Variants in ADAMTS6 observed in about 807,000 individuals in gnomAD.
The protein encoded by ADAMTS6 is ADAM metallopeptidase with thrombospondin type 1 motif 6.
Under a neutral mutation model 144.3 loss-of-function variants are expected in ADAMTS6, and 23 were observed. The ratio of observed to expected loss-of-function variants is 0.16; its 90% CI spans 0.11 to 0.23. The LOEUF (loss-of-function observed/expected upper bound fraction) is 0.23. ADAMTS6 is among the 10% of genes least tolerant of loss of function. The pLI is 1.00. For synonymous variants in ADAMTS6, 444 were observed against 457.5 expected, an observed-to-expected ratio of 0.97 and a Z score of 0.38; for missense variants, 999 against 1,379.6, an observed-to-expected ratio of 0.72 and a Z score of 4.37.
At chr5:65,268,848 A>G (rs901601415) in intron 12 of ADAMTS6, among the ~76,000 whole-genome samples, 1 of 152,216 alleles carries the variant, frequency 6.6e-6, no homozygotes, top group Non-Finnish European at 1.5e-5. Context: ...GAGTTTGACG[A>G]GATCATCATG....
In ADAMTS6 at chr5:65,460,351, TAAAC is replaced by T. The variant is rs1561563243; in HGVS notation, c.463-17_463-14del. The T allele has an allele frequency of 6.3e-7, 1 of 1,579,166 alleles. No homozygotes were observed. The highest frequency in any genetic ancestry group is 1.2e-5 in the South Asian group (1 of 84,596). ...CAATAACACCATGCTAAAAGAAAAA[TAAAC>T]AAAGAACTTACCAAAGAGAATCATT... On this transcript the variant is annotated splice_polypyrimidine_tract_variant and intron_variant, in intron 3 of 24. Coordinates refer to ENST00000381055, the MANE Select transcript of ADAMTS6 (RefSeq NM_197941.4).
intron 9 of ADAMTS6, among the ~76,000 whole-genome samples, chr5:65,301,843 C>T (rs900619717): frequency 6.6e-6 from 1 of 151,966 alleles, no homozygotes; most frequent in Non-Finnish European, 1.5e-5. Flanking sequence ...AATCCCAGCG[C>T]TTTGCGAGGC....
At chr5:65,451,741 C>T (rs1758757117) in intron 6 of ADAMTS6, 121 bp from the exon 7 acceptor site, 9 of 1,183,000 alleles carry the variant, frequency 7.6e-6, no homozygotes, top group South Asian at 4.2e-5. Context: ...TAATCTCTTG[C>T]CAATTTTTAT....
chr5:65,374,363 C>A (rs12234016), intron 7 of ADAMTS6, among the ~76,000 whole-genome samples: 5 of 147,108 alleles, frequency 3.4e-5, no homozygotes, highest in Non-Finnish European at 1.5e-5. Context: ...GAAAACCCCA[C>A]TGTCTCAGCC....
intron 8 of ADAMTS6, among the ~76,000 whole-genome samples, chr5:65,331,237 G>C (rs1437551476): frequency 1.3e-5 from 2 of 151,930 alleles, no homozygotes; most frequent in Non-Finnish European, 2.9e-5. Context: ...AATAATTATT[G>C]TTAAATTAAT....
rs1239929051 is a variant in ADAMTS6, at chr5:65,230,803, GAAATATATATATAATACATATGTAT to G, written c.1934-4609_1934-4585del. On this transcript the variant is annotated intron_variant, in intron 15 of 24. Coordinates refer to ENST00000381055, the MANE Select transcript of ADAMTS6 (RefSeq NM_197941.4). ...AAATATATATATAACACATATGTAT[GAAATATATATATAATACATATGTAT>G]AAATATATATATAATACATATATAT... 7.6e-3 allele frequency among the ~76,000 whole-genome samples: 547 copies of G among 72,050 alleles called. 76 individuals carry two copies. Among genetic ancestry groups the G allele is most frequent in the African/African-American group, 0.033 (507 of 15,170 alleles). 47.3% of individuals were successfully genotyped at this position (72,050 alleles called of 152,430 possible).
intron 7 of ADAMTS6, among the ~76,000 whole-genome samples, chr5:65,372,895 A>G (rs1751104973): frequency 4.0e-5 from 6 of 151,276 alleles, no homozygotes; most frequent in Admixed American, 2.6e-4. Context: ...AACAGAAATT[A>G]TAACAAACTA....
At chr5:65,398,988 T>TC (rs1236692320) in intron 7 of ADAMTS6, among the ~76,000 whole-genome samples, 2 of 152,282 alleles carry the variant, frequency 1.3e-5, no homozygotes, top group South Asian at 2.1e-4. Flanking sequence ...CTGGGTGCGG[T>TC]GGCTCATGCC....
rs532688204 is a variant in ADAMTS6, at chr5:65,290,851, A to G, written c.1512+478T>C. ...TTGTTTCACTACTTGAGCTAATGTC[A>G]TCTTGTTCCTGCTTGGTTGTGGTGC... On this transcript the variant is annotated intron_variant, in intron 11 of 24. Transcript: ENST00000381055. Among the ~76,000 whole-genome samples the G allele has an allele frequency of 3.9e-5, 6 of 151,970 alleles. No homozygotes were observed. The South Asian group carries it at 1.2e-3, about 32-fold the overall frequency.
intron 24 of ADAMTS6, among the ~76,000 whole-genome samples, chr5:65,160,397 C>T (rs1752687565): frequency 1.3e-5 from 2 of 151,518 alleles, no homozygotes; most frequent in Non-Finnish European, 2.9e-5. Flanking sequence ...AGCTCCGCCT[C>T]CCGGGTTCAC....
At chr5:65,254,678 ATGT>A (rs1452114510) in intron 14 of ADAMTS6, among the ~76,000 whole-genome samples, 1 of 152,204 alleles carries the variant, frequency 6.6e-6, no homozygotes, top group African/African-American at 2.4e-5. Flanking sequence ...AGCTATGCTG[ATGT>A]TGTTTGACTC....
chr5:65,287,508 A>C (rs1213351337), intron 11 of ADAMTS6, among the ~76,000 whole-genome samples: 1 of 152,076 alleles, frequency 6.6e-6, no homozygotes, highest in Non-Finnish European at 1.5e-5. Context: ...CTCACCTATA[A>C]AATATTATAT....
At position 65,219,339 on chromosome 5, in the gene ADAMTS6, T is replaced by C. The variant is rs145589614; in HGVS notation, c.2273-3852A>G. Among the ~76,000 whole-genome samples the C allele has an allele frequency of 3.3e-3, 505 of 152,228 alleles. 2 individuals are homozygous for C. The highest frequency in any genetic ancestry group is 0.012 in the African/African-American group (486 of 41,538). The stretch of plus-strand genomic sequence containing the variant: ...TTTACTGTCTGACCCTTAACAGCGA[T>C]AGTTGCCGACCCCCAACCCCCCCAC... On this transcript the variant is annotated intron_variant, in intron 18 of 24. Coordinates refer to ENST00000381055, the MANE Select transcript of ADAMTS6 (RefSeq NM_197941.4).
chr5:65,169,952 G>T (rs1370205299), intron 24 of ADAMTS6, among the ~76,000 whole-genome samples: 1 of 150,572 alleles, frequency 6.6e-6, no homozygotes, highest in Non-Finnish European at 1.5e-5. Context: ...TGAGTTAGTG[G>T]GTGCAGCGCA....
intron 7 of ADAMTS6, among the ~76,000 whole-genome samples, chr5:65,428,442 T>C (rs1043415964): frequency 6.6e-6 from 1 of 152,088 alleles, no homozygotes; most frequent in Non-Finnish European, 1.5e-5. Context: ...TTAATAAACA[T>C]TCAAACTCAT....
chr5:65,423,895 A>G, intron 7 of ADAMTS6, among the ~76,000 whole-genome samples: 1 of 152,204 alleles, frequency 6.6e-6, no homozygotes, highest in East Asian at 1.9e-4. Flanking sequence ...ACAACTAAGA[A>G]GCAATACCAA....
chr5:65,169,479 G>A (rs1438440162), intron 24 of ADAMTS6, among the ~76,000 whole-genome samples: 2 of 133,842 alleles, frequency 1.5e-5, no homozygotes, highest in Non-Finnish European at 3.2e-5. Flanking sequence ...TCAGTGTGGC[G>A]ATTCCTCAGG....
chr5:65,407,485 T>TC (rs1268255839), intron 7 of ADAMTS6, among the ~76,000 whole-genome samples: 1 of 73,172 alleles, frequency 1.4e-5, no homozygotes. Flanking sequence ...CTATCCCTCC[T>TC]CCCTCCCCCC....
chr5:65,438,039 A>G (rs1455697861), intron 7 of ADAMTS6, among the ~76,000 whole-genome samples: 3 of 152,254 alleles, frequency 2.0e-5, no homozygotes, highest in African/African-American at 2.4e-5. Flanking sequence ...TTTCAAAAAT[A>G]GTTCCTTGAC....
Sources: gnomAD v4.1 joint callset for allele counts (sites outside exome capture counted in the v4.1 genomes callset) on GRCh38, gnomAD v4.1.1 for gene constraint, MANE v1.5 for transcripts, NCBI Gene and HGNC (gene_info 2026-07-23, HGNC 2026-07-21) for gene names.